ZCWPW2: variants seen among roughly 807,000 people sequenced by gnomAD.
ZCWPW2 encodes zinc finger CW-type and PWWP domain containing 2, also known as zinc finger CW-type PWWP domain protein 2.
Under a neutral mutation model 46.6 loss-of-function variants are expected in ZCWPW2, and 45 were observed. The observed-to-expected ratio is 0.96, with a 90% CI of 0.76 to 1.24. The LOEUF is 1.24. ZCWPW2 is among the 50% of genes most tolerant of loss of function. The probability of loss-of-function intolerance (pLI) is 0.00; values close to 1 mark genes in which losing one functional copy is unlikely to be tolerated. For missense variants in ZCWPW2, 429 were observed against 403.9 expected (o/e 1.06, Z -0.53); for synonymous variants, 152 against 137.1 (o/e 1.11, Z -0.76).
Position 28,351,229 on chromosome 3 carries a change from T to C in ZCWPW2, c.-134+2026T>C, listed in dbSNP as rs1005939324. Among the ~76,000 whole-genome samples the C allele has an allele frequency of 2.0e-5, 3 of 149,848 alleles. 1 individual carries two copies. Among genetic ancestry groups the C allele is most frequent in the African/African-American group, 7.4e-5 (3 of 40,744 alleles). ...CACTTTAAAAATTGTCCTGTCTACATGTTGTCGCTCATTATATAAAAAATA... is the reference window on the plus strand; with the variant it reads ...CACTTTAAAAATTGTCCTGTCTACACGTTGTCGCTCATTATATAAAAAATA... On this transcript the variant is annotated intron_variant, in intron 1 of 9. Coordinates refer to ENST00000383768, the MANE Select transcript of ZCWPW2 (RefSeq NM_001040432.4).
At chr3:28,431,248 T>A (rs1193542612) in intron 3 of ZCWPW2, among the ~76,000 whole-genome samples, 1 of 152,198 alleles carries the variant, frequency 6.6e-6, no homozygotes, top group East Asian at 1.9e-4. Flanking sequence ...CTCCTCTCAG[T>A]TGTACCAAAT....
intron 3 of ZCWPW2, among the ~76,000 whole-genome samples, chr3:28,414,370 C>T (rs893708002): frequency 6.6e-5 from 10 of 150,740 alleles, no homozygotes; most frequent in East Asian, 1.9e-4. Flanking sequence ...TTTTAGGTTC[C>T]GGGATACATG....
At chr3:28,466,173 T>G (rs1225921750) in intron 4 of ZCWPW2, among the ~76,000 whole-genome samples, 1 of 152,130 alleles carries the variant, frequency 6.6e-6, no homozygotes, top group African/African-American at 2.4e-5. Flanking sequence ...CAGGGCCTAC[T>G]TGAGGCAATC....
intron 6 of ZCWPW2, among the ~76,000 whole-genome samples, chr3:28,495,430 A>G (rs543223785): frequency 9.1e-4 from 139 of 152,110 alleles, no homozygotes; most frequent in Non-Finnish European, 1.6e-3. Flanking sequence ...GACTATAAAG[A>G]TAGTAACTAG....
chr3:28,491,392 A>G (rs1699806837), intron 5 of ZCWPW2, among the ~76,000 whole-genome samples: 1 of 152,144 alleles, frequency 6.6e-6, no homozygotes, highest in African/African-American at 2.4e-5. Flanking sequence ...TCAAAATAAT[A>G]TCCTGGGATA....
At position 28,493,245 on chromosome 3, in the gene ZCWPW2, G is replaced by A. The variant is rs1369108238; in HGVS notation, c.657+1072G>A. Among the ~76,000 whole-genome samples, 5 of 137,914 alleles carry A rather than the reference G, an allele frequency of 3.6e-5. No homozygotes were observed. In the South Asian group the frequency reaches 1.2e-3, roughly 34 times the overall value. 90.5% of individuals were successfully genotyped at this position (137,914 alleles called of 152,430 possible). On this transcript the variant is annotated intron_variant, in intron 6 of 9. Transcript: ENST00000383768. ...ACATGTGCCATGCTGGTGCGCTGCA[G>A]CCACTAACGTGTCATCTAGCATTAG...
At position 28,497,379 on chromosome 3, in the gene ZCWPW2, C is replaced by CA. The variant is rs1384458266; in HGVS notation, c.657+5207dup. 4.0e-5 allele frequency among the ~76,000 whole-genome samples: 6 copies of CA among 151,784 alleles called. 1 individual carries two copies. The highest frequency in any genetic ancestry group is 1.5e-4 in the African/African-American group (6 of 41,316). On this transcript the variant is annotated intron_variant, in intron 6 of 9. Transcript: ENST00000383768. Reference sequence around the variant, plus strand: ...ATATAGACCTGTTTTTAACATTCTGCATAGCATACCATAGTAGATGTATCA... The same window carrying CA: ...ATATAGACCTGTTTTTAACATTCTGCAATAGCATACCATAGTAGATGTATCA...
intron 5 of ZCWPW2, among the ~76,000 whole-genome samples, chr3:28,489,045 G>T (rs1448096369): frequency 6.6e-6 from 1 of 152,072 alleles, no homozygotes; most frequent in Non-Finnish European, 1.5e-5. Flanking sequence ...ATTGGAAGAT[G>T]GTTTTTATAG....
intron 2 of ZCWPW2, among the ~76,000 whole-genome samples, chr3:28,397,349 T>C (rs1019621660): frequency 6.6e-6 from 1 of 152,026 alleles, no homozygotes; most frequent in African/African-American, 2.4e-5. Flanking sequence ...TTTTTAATTT[T>C]TTCAAATTCT....
intron 8 of ZCWPW2, among the ~76,000 whole-genome samples, 199 bp from the exon 9 acceptor site, chr3:28,520,793 G>T (rs1021535212): frequency 2.0e-5 from 3 of 152,098 alleles, no homozygotes; most frequent in African/African-American, 7.2e-5. Flanking sequence ...CATTTTTCAA[G>T]GAAGAATTGT....
chr3:28,491,661 C>T (rs934615833), intron 5 of ZCWPW2, among the ~76,000 whole-genome samples: 1 of 151,966 alleles, frequency 6.6e-6, no homozygotes, highest in Non-Finnish European at 1.5e-5. Context: ...TTTATCTCAG[C>T]TGTGAAGTGA....
chr3:28,522,904 A>G (rs1174310914), intron 9 of ZCWPW2, among the ~76,000 whole-genome samples: 1 of 152,184 alleles, frequency 6.6e-6, no homozygotes, highest in African/African-American at 2.4e-5. Flanking sequence ...TTCGAATACC[A>G]TATGGTTTTG....
intron 4 of ZCWPW2, among the ~76,000 whole-genome samples, chr3:28,438,237 T>A (rs755592738): frequency 6.6e-6 from 1 of 152,156 alleles, no homozygotes; most frequent in Non-Finnish European, 1.5e-5. Flanking sequence ...GTTATTGTAA[T>A]CTCCCTCATT....
At chr3:28,377,327 C>T (rs1705534311) in intron 1 of ZCWPW2, among the ~76,000 whole-genome samples, 1 of 151,978 alleles carries the variant, frequency 6.6e-6, no homozygotes, top group South Asian at 2.1e-4. Context: ...TTGAAACAAT[C>T]ATTATGCAGT....
chr3:28,377,211 G>A (rs1705528100), intron 1 of ZCWPW2, among the ~76,000 whole-genome samples: 1 of 151,836 alleles, frequency 6.6e-6, no homozygotes, highest in Non-Finnish European at 1.5e-5. Flanking sequence ...CATTAAAGAT[G>A]CATGCTTTCA....
intron 1 of ZCWPW2, among the ~76,000 whole-genome samples, chr3:28,389,532 G>T (rs1695406346): frequency 6.6e-6 from 1 of 152,064 alleles, no homozygotes; most frequent in African/African-American, 2.4e-5. Flanking sequence ...GACTAAAATT[G>T]CTCTCTTTAG....
chr3:28,462,748 T>G (rs1698687190), intron 4 of ZCWPW2, among the ~76,000 whole-genome samples: 1 of 152,220 alleles, frequency 6.6e-6, no homozygotes, highest in Non-Finnish European at 1.5e-5. Flanking sequence ...TCTGCCAGAT[T>G]GCAAATTTCT....
intron 8 of ZCWPW2, among the ~76,000 whole-genome samples, chr3:28,518,201 A>G (rs1355529339): frequency 7.1e-6 from 1 of 141,438 alleles, no homozygotes; most frequent in African/African-American, 2.6e-5. Context: ...TTTTTCTTTC[A>G]TTTCTTTTTT....
chr3:28,380,967 T>C (rs1227936165), intron 1 of ZCWPW2, among the ~76,000 whole-genome samples: 1 of 33,444 alleles, frequency 3.0e-5, no homozygotes, highest in Non-Finnish European at 5.2e-5. Flanking sequence ...TATATATATA[T>C]ATATTTGGTA....
Sources: gnomAD v4.1 joint callset for allele counts (sites outside exome capture counted in the v4.1 genomes callset) on GRCh38, gnomAD v4.1.1 for gene constraint, MANE v1.5 for transcripts, NCBI Gene and HGNC (gene_info 2026-07-23, HGNC 2026-07-21) for gene names.